Variants in ST3GAL4 observed in about 807,000 individuals in gnomAD.
ST3GAL4 encodes the protein ST3 beta-galactoside alpha-2,3-sialyltransferase 4.
In ST3GAL4, 24 loss-of-function variants were observed where a neutral mutation model predicts 42.6. The ratio of observed to expected loss-of-function variants is 0.56; its 90% CI spans 0.41 to 0.79. The LOEUF (loss-of-function observed/expected upper bound fraction) is 0.79. Ranked by LOEUF, ST3GAL4 falls within the 30% of genes least tolerant of loss-of-function variation. The pLI is 0.00. For synonymous variants in ST3GAL4, 135 were observed against 163.2 expected, an observed-to-expected ratio of 0.83 and a Z score of 1.32; for missense variants, 311 against 430.8, an observed-to-expected ratio of 0.72 and a Z score of 2.46.
rs1954413520 is a variant in ST3GAL4 at position 126,409,328 on chromosome 11, C to G, written c.688C>G (p.Arg230Gly). 6.2e-7 allele frequency: 1 copy of G among 1,614,112 alleles called. No homozygotes were observed. ...LIWDVNPKQI[R>G]ILNPFFMEIA... ...CTGGGATGTCAATCCTAAACAGATT[C>G]GGATTCTCAACCCCTTCTTCATGGA... Residue 230 changes from arginine (R) to glycine (G), a missense_variant, in exon 9 of 11, where the codon CGG becomes GGG. By Grantham distance (125) the Arg-to-Gly change is moderately radical (BLOSUM62 -2). Transcript: ENST00000444328. The surrounding 1 kb of genome is among the most constrained non-coding windows in gnomAD (Gnocchi z 4.9).
At chr11:126,389,186 T>C (rs1002519443) in intron 1 of ST3GAL4, among the ~76,000 whole-genome samples, 24 of 152,252 alleles carry the variant, frequency 1.6e-4, no homozygotes, top group Admixed American at 6.5e-5. Context: ...TATTCATCTT[T>C]CCTTGTTTAG....
At position 126,411,505 on chromosome 11, in the gene ST3GAL4, C is replaced by T. The variant is rs1323725197; in HGVS notation, c.772-2000C>T. Among the ~76,000 whole-genome samples, 1 of 152,172 alleles carries T rather than the reference C, an allele frequency of 6.6e-6. No individual in the cohort carries two copies. Among genetic ancestry groups the T allele is most frequent in the Admixed American group, 6.5e-5 (1 of 15,282 alleles). ...AGCCGGCTAAAACAATACCCATGTA[C>T]TGGCTCATGGTCCTGTAGATCAGAA... On this transcript the variant is annotated intron_variant, in intron 9 of 10. Transcript: ENST00000444328. This position sits in a 1 kb window ranked among gnomAD's most constrained non-coding sequence, Gnocchi z 6.3.
rs1371883561 is a variant in ST3GAL4, at chr11:126,408,086, C to T, written c.342-13C>T. 1 of 1,613,192 alleles carries T rather than the reference C, an allele frequency of 6.2e-7. No individual in the cohort carries two copies. Among genetic ancestry groups the T allele is most frequent in the Admixed American group, 1.7e-5 (1 of 59,972 alleles). ...GTGTGGGGTGACATAGACCACTCCT[C>T]TTTCTATGGCAGCCTCAGGTGCCGC... On this transcript the variant is annotated splice_polypyrimidine_tract_variant and intron_variant, in intron 6 of 10. Transcript: ENST00000444328.
chr11:126,369,632 G>C (rs1461916055), intron 1 of ST3GAL4, among the ~76,000 whole-genome samples: 1 of 152,114 alleles, frequency 6.6e-6, no homozygotes, highest in African/African-American at 2.4e-5. Context: ...AGTGATGGTT[G>C]GTCCAGAATT....
intron 9 of ST3GAL4, among the ~76,000 whole-genome samples, chr11:126,412,923 A>G (rs1000454360): frequency 1.3e-5 from 2 of 152,222 alleles, no homozygotes; most frequent in Admixed American, 6.5e-5. Flanking sequence ...AGGTAGGTAA[A>G]ATACTAAACA....
intron 1 of ST3GAL4, among the ~76,000 whole-genome samples, chr11:126,403,773 CAA>C (rs148770471): frequency 0.012 from 1,810 of 152,280 alleles, 17 homozygotes; most frequent in Non-Finnish European, 0.017. Flanking sequence ...CACTGCAACT[CAA>C]AAGAGTAGTT....
Position 126,406,524 on chromosome 11 carries a change from A to G in ST3GAL4, c.68A>G (p.Tyr23Cys). 1.9e-6 allele frequency: 3 copies of G among 1,614,140 alleles called. No individual in the cohort carries two copies. The highest frequency in any genetic ancestry group is 2.5e-6 in the Non-Finnish European group (3 of 1,180,018). ...CTGGTCCTGGTCGTCATGGTGTGGT[A>G]TTCCATCTCCCGGGAAGACAGGTAC... The part of the protein sequence containing the change: ...LALVLVVMVW[Y>C]SISREDRYIE... Residue 23 changes from tyrosine (Y) to cysteine (C), a missense_variant, in exon 3 of 11, where the codon TAT (tyrosine) becomes TGT (cysteine). Coordinates refer to ENST00000444328, the MANE Select transcript of ST3GAL4 (RefSeq NM_001254757.2). The surrounding 1 kb of genome is among the most constrained non-coding windows in gnomAD (Gnocchi z 5.4).
chr11:126,363,890 G>A lies in ST3GAL4; in HGVS notation c.-61+8048G>A, dbSNP rs74852036. On this transcript the variant is annotated intron_variant, in intron 1 of 10. Coordinates refer to ENST00000444328, the MANE Select transcript of ST3GAL4 (RefSeq NM_001254757.2). This position sits in a 1 kb window ranked among gnomAD's most constrained non-coding sequence, Gnocchi z 4.6. ...TCCCCACCCTCCCAGGCCCGGCACCGTGTCGCCCTGCCCCAGCCCAGAGCT... is the reference window on the plus strand; with the variant it reads ...TCCCCACCCTCCCAGGCCCGGCACCATGTCGCCCTGCCCCAGCCCAGAGCT... 0.075 allele frequency among the ~76,000 whole-genome samples: 11,450 copies of A among 152,296 alleles called. 589 individuals carry two copies. Among genetic ancestry groups the A allele is most frequent in the Non-Finnish European group, 0.11 (7,391 of 68,018 alleles).
At chr11:126,408,665 C>T (rs1051918372) in intron 8 of ST3GAL4, 169 bp downstream of exon 8, 4 of 762,814 alleles carry the variant, frequency 5.2e-6, no homozygotes, top group Non-Finnish European at 8.2e-6. Context: ...AAGGGTGGTG[C>T]TCTGATAAGC....
rs199686971 is a variant in ST3GAL4, at chr11:126,408,344, G to A, written c.475G>A (p.Val159Met). The change falls in exon 8 of 11, where the codon GTG becomes ATG. Residue 159 changes from valine (V) to methionine (M), a missense_variant. Val to Met is a conservative substitution (Grantham distance 21). Coordinates refer to ENST00000444328, the MANE Select transcript of ST3GAL4 (RefSeq NM_001254757.2). Reference sequence around the variant, plus strand: ...CCCAGTGGCTGGCTATGAGGGTGACGTGGGCTCCAAGACCACCATGCGTCT... The same window carrying A: ...CCCAGTGGCTGGCTATGAGGGTGACATGGGCTCCAAGACCACCATGCGTCT... The part of the protein sequence containing the change: ...NAPVAGYEGD[V>M]GSKTTMRLFY... The A allele has an allele frequency of 1.9e-6, 3 of 1,614,074 alleles. No homozygotes were observed. The highest frequency in any genetic ancestry group is 2.5e-6 in the Non-Finnish European group (3 of 1,180,034).
Position 126,384,198 on chromosome 11 carries a change from T to G in ST3GAL4, c.-60-21898T>G, listed in dbSNP as rs748038749. ...TCATCAAGTGCCAGGCTGACCATGG[T>G]GTCCGTCTCAGTGCCCAGCAGTTGT... On this transcript the variant is annotated intron_variant, in intron 1 of 10. Coordinates refer to ENST00000444328, the MANE Select transcript of ST3GAL4 (RefSeq NM_001254757.2). The surrounding 1 kb of genome is among the most constrained non-coding windows in gnomAD (Gnocchi z 5.5). Among the ~76,000 whole-genome samples the G allele has an allele frequency of 7.2e-5, 11 of 152,188 alleles. No individual in the cohort carries two copies. The highest frequency in any genetic ancestry group is 2.7e-4 in the African/African-American group (11 of 41,464).
intron 10 of ST3GAL4, 62 bp downstream of exon 10, chr11:126,413,710 C>CA: frequency 1.3e-6 from 2 of 1,599,832 alleles, no homozygotes; most frequent in Non-Finnish European, 1.7e-6. Flanking sequence ...GTCAGAGGGG[C>CA]ACTGGGTGAG....
At chr11:126,394,390 G>A (rs1953647131) in intron 1 of ST3GAL4, among the ~76,000 whole-genome samples, 1 of 152,160 alleles carries the variant, frequency 6.6e-6, no homozygotes, top group South Asian at 2.1e-4. Flanking sequence ...GGAATTCAAA[G>A]CCTCTGCCCC....
Position 126,392,163 on chromosome 11 carries a change from A to G in ST3GAL4, c.-60-13933A>G, listed in dbSNP as rs1409431028. The G allele has an allele frequency of 4.4e-6, 1 of 225,708 alleles. No individual in the cohort carries two copies. The allele number at this position is 225,708 out of a possible 1,614,324, so 14.0% of individuals were successfully genotyped here. A position where few individuals can be genotyped will look rare whatever the true frequency, so the allele number is the denominator to read the frequency against. ...TTTTCACTGGCTCCTCCTGGAGGCC[A>G]CATGTACCTTGCGCTTCCTGGGGCT... is the stretch of plus-strand genomic sequence containing the variant. On this transcript the variant is annotated intron_variant, in intron 1 of 10. Coordinates refer to ENST00000444328, the MANE Select transcript of ST3GAL4 (RefSeq NM_001254757.2). This position sits in a 1 kb window ranked among gnomAD's most constrained non-coding sequence, Gnocchi z 5.8.
rs2135572374 is a variant in ST3GAL4 at position 126,413,504 on chromosome 11, G to A, written c.772-1G>A. ...AACACCCTCCTGCCCCTGTTCCTCA[G>A]AAGCCCACCACGGGCCTGTTGGCCA... On this transcript the variant is annotated splice_acceptor_variant, in intron 9 of 10. Coordinates refer to ENST00000444328, the MANE Select transcript of ST3GAL4 (RefSeq NM_001254757.2). LOFTEE classifies it high-confidence loss of function. 6.2e-7 allele frequency: 1 copy of A among 1,614,010 alleles called. No individual in the cohort carries two copies. Among genetic ancestry groups the A allele is most frequent in the Non-Finnish European group, 8.5e-7 (1 of 1,179,998 alleles).
rs1195790965 is a variant in ST3GAL4, at chr11:126,391,326, T to A, written c.-60-14770T>A. 6.6e-6 allele frequency among the ~76,000 whole-genome samples: 1 copy of A among 152,106 alleles called. No individual in the cohort carries two copies. Among genetic ancestry groups the A allele is most frequent in the Non-Finnish European group, 1.5e-5 (1 of 68,022 alleles). ...TTCAAGTATTTGTTGATTGCATGCA[T>A]TATGCCTGACTTGCTCAAAGCATGA... is the stretch of plus-strand genomic sequence containing the variant. On this transcript the variant is annotated intron_variant, in intron 1 of 10. Transcript: ENST00000444328. This position sits in a 1 kb window ranked among gnomAD's most constrained non-coding sequence, Gnocchi z 5.5.
chr11:126,401,578 G>GA (rs373164060), intron 1 of ST3GAL4, among the ~76,000 whole-genome samples: 231 of 139,864 alleles, frequency 1.7e-3, no homozygotes, highest in South Asian at 3.9e-3. Flanking sequence ...AGAAGAAGAA[G>GA]AAAAAAAAAA....
At chr11:126,365,962 C>G (rs1179667492) in intron 1 of ST3GAL4, among the ~76,000 whole-genome samples, 1 of 152,178 alleles carries the variant, frequency 6.6e-6, no homozygotes, top group Non-Finnish European at 1.5e-5. Context: ...TGGGGACACA[C>G]CTGTGGGGCT....
At chr11:126,399,635 A>G (rs1292675283) in intron 1 of ST3GAL4, among the ~76,000 whole-genome samples, 1 of 152,038 alleles carries the variant, frequency 6.6e-6, no homozygotes, top group Non-Finnish European at 1.5e-5. Flanking sequence ...TTCATCTTTA[A>G]ATTATTTATT....
Sources: allele counts gnomAD v4.1 joint callset (sites outside exome capture counted in the v4.1 genomes callset), GRCh38; gene constraint gnomAD v4.1.1; non-coding constraint Gnocchi (gnomAD v3.1); transcripts MANE v1.5; gene names NCBI Gene and HGNC (gene_info 2026-07-23, HGNC 2026-07-21).